The following LHFPL6 variants were observed in gnomAD, a reference collection of about 807,000 sequenced individuals.
LHFPL6 encodes the protein LHFPL tetraspan subfamily member 6 protein.
Under a neutral mutation model 20.6 loss-of-function variants are expected in LHFPL6, and 9 were observed. The observed-to-expected ratio is 0.44, with a 90% CI of 0.26 to 0.76. The LOEUF (loss-of-function observed/expected upper bound fraction) is 0.76, where lower values mean the gene tolerates loss of function less well. LHFPL6 is among the 30% of genes least tolerant of loss of function. The pLI is 0.20. For missense variants in LHFPL6, 218 were observed against 253.5 expected (o/e 0.86, Z 0.95); for synonymous variants, 105 against 98.7 (o/e 1.06, Z -0.38).
chr13:39,462,084 C>T (rs986261838), intron 2 of LHFPL6, among the ~76,000 whole-genome samples: 47 of 152,242 alleles, frequency 3.1e-4, no homozygotes, highest in Non-Finnish European at 3.2e-4. Context: ...CTCCTGCCTC[C>T]GACAGGTTCC....
intron 2 of LHFPL6, among the ~76,000 whole-genome samples, chr13:39,392,508 C>T (rs1233487630): frequency 3.9e-5 from 6 of 152,236 alleles, no homozygotes; most frequent in Middle Eastern, 6.8e-3. Flanking sequence ...GCAGGAGAAT[C>T]GCTTGAACCT....
rs1179148867 is a variant in LHFPL6, at chr13:39,458,761, G to T, written c.386-80235C>A. Among the ~76,000 whole-genome samples the T allele has an allele frequency of 2.0e-5, 3 of 149,010 alleles. No individual in the cohort carries two copies. The East Asian group carries it at 5.9e-4, about 30-fold the overall frequency. On this transcript the variant is annotated intron_variant, in intron 2 of 3. Coordinates refer to ENST00000379589, the MANE Select transcript of LHFPL6 (RefSeq NM_005780.3). The stretch of plus-strand genomic sequence containing the variant: ...GGTACAATGGGTGGACAGAGAAAAA[G>T]TAACTATAAATGAGGAAAGAAAAAA...
At chr13:39,424,181 A>C (rs1255500989) in intron 2 of LHFPL6, among the ~76,000 whole-genome samples, 3 of 152,226 alleles carry the variant, frequency 2.0e-5, no homozygotes, top group Non-Finnish European at 4.4e-5. Context: ...TGAAAGTGTA[A>C]CCCAAATACT....
At chr13:39,545,147 G>A (rs1006248746) in intron 2 of LHFPL6, among the ~76,000 whole-genome samples, 3 of 151,080 alleles carry the variant, frequency 2.0e-5, no homozygotes, top group Admixed American at 6.6e-5. Flanking sequence ...TCGGGAGGCC[G>A]AGGCAGGAGA....
intron 2 of LHFPL6, among the ~76,000 whole-genome samples, chr13:39,484,924 C>G (rs975778069): frequency 3.9e-5 from 6 of 152,154 alleles, no homozygotes; most frequent in East Asian, 1.9e-4. Context: ...ACTTTTCCCC[C>G]CTTCCTTGAA....
chr13:39,510,871 A>ATTTTTTTTTTTTTTTTTTT (rs141534067), intron 2 of LHFPL6, among the ~76,000 whole-genome samples: 1 of 107,258 alleles, frequency 9.3e-6, no homozygotes, highest in African/African-American at 2.9e-5. Flanking sequence ...CATTACTTTA[A>ATTTTTTTTTTTTTTTTTTT]ATTTTTTTTT....
At chr13:39,474,742 T>C (rs925830248) in intron 2 of LHFPL6, among the ~76,000 whole-genome samples, 2 of 152,096 alleles carry the variant, frequency 1.3e-5, no homozygotes, top group Admixed American at 1.3e-4. Context: ...TCAGAAGATG[T>C]CCCAGGCCAC....
In LHFPL6 at chr13:39,363,370, G is replaced by C. The variant is rs561577825; in HGVS notation, c.484+15058C>G. 7.2e-5 allele frequency among the ~76,000 whole-genome samples: 11 copies of C among 152,270 alleles called. 1 individual carries two copies. The South Asian group carries it at 2.3e-3, about 32-fold the overall frequency. ...GAGCATCATAGCATCACAGACTTTA[G>C]AGACAGAGGGACCTAGGAGAAGGAT... On this transcript the variant is annotated intron_variant, in intron 3 of 3. Coordinates refer to ENST00000379589, the MANE Select transcript of LHFPL6 (RefSeq NM_005780.3).
intron 2 of LHFPL6, among the ~76,000 whole-genome samples, chr13:39,408,778 G>C (rs567548224): frequency 6.6e-6 from 1 of 152,288 alleles, no homozygotes; most frequent in African/African-American, 2.4e-5. Context: ...ATCCAGTTTG[G>C]AGCTTCCAGC....
At chr13:39,552,580 G>A (rs546075324) in intron 2 of LHFPL6, among the ~76,000 whole-genome samples, 25 of 152,306 alleles carry the variant, frequency 1.6e-4, no homozygotes, top group East Asian at 3.9e-4. Context: ...CTGGATAGGC[G>A]TAATATTTTC....
Position 39,486,108 on chromosome 13 carries a change from T to C in LHFPL6, c.386-107582A>G, listed in dbSNP as rs147540672. Among the ~76,000 whole-genome samples, 462 of 152,266 alleles carry C rather than the reference T, an allele frequency of 3.0e-3. 6 individuals carry two copies. Among genetic ancestry groups the C allele is most frequent in the African/African-American group, 0.011 (439 of 41,578 alleles). On this transcript the variant is annotated intron_variant, in intron 2 of 3. Transcript: ENST00000379589. Reference sequence around the variant, plus strand: ...ACCCCAAACCCACTCCACACAGTTTTGCCAACATCTGATAGAACCATTTGC... The same window carrying C: ...ACCCCAAACCCACTCCACACAGTTTCGCCAACATCTGATAGAACCATTTGC...
intron 3 of LHFPL6, among the ~76,000 whole-genome samples, chr13:39,352,229 T>C (rs1869587068): frequency 1.3e-5 from 2 of 152,228 alleles, no homozygotes. Flanking sequence ...TGCCTCTAGA[T>C]ATGGTCCCAG....
chr13:39,489,548 T>C (rs9576824), intron 2 of LHFPL6, among the ~76,000 whole-genome samples: 96,326 of 150,290 alleles, frequency 0.64, 31,158 homozygotes, highest in East Asian at 0.85. Flanking sequence ...AAGTATGCTG[T>C]GGCTTTTTTT....
At chr13:39,389,748 A>C (rs1425452402) in intron 2 of LHFPL6, among the ~76,000 whole-genome samples, 1 of 152,204 alleles carries the variant, frequency 6.6e-6, no homozygotes, top group Non-Finnish European at 1.5e-5. Context: ...ATGCAGAGAA[A>C]GCAAACTATT....
intron 2 of LHFPL6, among the ~76,000 whole-genome samples, chr13:39,400,599 C>T (rs979302917): frequency 1.7e-4 from 26 of 151,168 alleles, no homozygotes; most frequent in African/African-American, 5.3e-4. Flanking sequence ...CCGGCTAAAA[C>T]GGTGAAACCC....
At chr13:39,365,902 G>A (rs1285147483) in intron 3 of LHFPL6, among the ~76,000 whole-genome samples, 1 of 152,208 alleles carries the variant, frequency 6.6e-6, no homozygotes, top group African/African-American at 2.4e-5. Flanking sequence ...TGAGGGCACA[G>A]ATGGAATGCA....
intron 2 of LHFPL6, among the ~76,000 whole-genome samples, chr13:39,408,536 A>T (rs1471341218): frequency 6.6e-6 from 1 of 152,220 alleles, no homozygotes; most frequent in Non-Finnish European, 1.5e-5. Context: ...AACTAAAATG[A>T]CTTAATAAAC....
At chr13:39,461,022 G>A (rs1209550770) in intron 2 of LHFPL6, among the ~76,000 whole-genome samples, 4 of 152,066 alleles carry the variant, frequency 2.6e-5, no homozygotes, top group African/African-American at 7.2e-5. Flanking sequence ...AGTGTCTATT[G>A]TTCCCCTCTT....
chr13:39,494,278 C>T (rs906602485), intron 2 of LHFPL6, among the ~76,000 whole-genome samples: 4 of 152,208 alleles, frequency 2.6e-5, no homozygotes, highest in African/African-American at 9.6e-5. Flanking sequence ...TTAGCGCTGC[C>T]CATAAGGAAG....
Sources: allele counts gnomAD v4.1 joint callset (sites outside exome capture counted in the v4.1 genomes callset), GRCh38; gene constraint gnomAD v4.1.1; transcripts MANE v1.5; gene names NCBI Gene and HGNC (gene_info 2026-07-23, HGNC 2026-07-21).